The following RIMS1 variants were observed in gnomAD, a reference collection of about 807,000 sequenced individuals.
RIMS1 encodes regulating synaptic membrane exocytosis 1.
In RIMS1, 83 loss-of-function variants were observed where a neutral mutation model predicts 214.1. The ratio of observed to expected loss-of-function variants is 0.39; its 90% CI spans 0.32 to 0.47. RIMS1 has a LOEUF of 0.47. Among genes scored for constraint, RIMS1 ranks in the 20% least tolerant of loss-of-function variants. The pLI is 0.99. For missense variants in RIMS1, 2,050 were observed against 2,161.8 expected (o/e 0.95, Z 1.03); for synonymous variants, 793 against 786.8 (o/e 1.01, Z -0.13).
intron 26 of RIMS1, among the ~76,000 whole-genome samples, chr6:72,302,207 A>G (rs1251039968): frequency 2.6e-5 from 4 of 151,434 alleles, no homozygotes. Context: ...AGTAATTCCC[A>G]TTCCTAGGTT....
At chr6:72,282,227 C>A (rs943629339) in intron 23 of RIMS1, among the ~76,000 whole-genome samples, 1 of 152,070 alleles carries the variant, frequency 6.6e-6, no homozygotes, top group Non-Finnish European at 1.5e-5. Context: ...AGCTCCAATA[C>A]CTCCTGAGCC....
At chr6:72,145,258 A>T (rs1158715648) in intron 4 of RIMS1, among the ~76,000 whole-genome samples, 1 of 152,152 alleles carries the variant, frequency 6.6e-6, no homozygotes, top group African/African-American at 2.4e-5. Flanking sequence ...ATACCTATGA[A>T]TTGGGTAAAT....
At chr6:72,373,181 A>G (rs1425968374) in intron 29 of RIMS1, among the ~76,000 whole-genome samples, 1 of 152,144 alleles carries the variant, frequency 6.6e-6, no homozygotes, top group African/African-American at 2.4e-5. Flanking sequence ...GATCTGTTCT[A>G]TTCTAAAATG....
chr6:72,018,358 G>A (rs1813433483), intron 2 of RIMS1, among the ~76,000 whole-genome samples: 1 of 152,112 alleles, frequency 6.6e-6, no homozygotes, highest in South Asian at 2.1e-4. Context: ...CATTTACTGA[G>A]ATGGGGACGA....
intron 4 of RIMS1, among the ~76,000 whole-genome samples, chr6:72,127,548 C>T (rs1033122420): frequency 2.6e-5 from 4 of 152,062 alleles, no homozygotes; most frequent in Admixed American, 2.0e-4. Flanking sequence ...CAGAGACATG[C>T]CTTATATAGA....
At chr6:72,172,289 G>T (rs1043896829) in intron 4 of RIMS1, among the ~76,000 whole-genome samples, 7 of 152,120 alleles carry the variant, frequency 4.6e-5, no homozygotes, top group Admixed American at 4.6e-4. Flanking sequence ...TATGTTAAAA[G>T]ATAAATGTAT....
At chr6:71,962,441 C>A (rs145674280) in intron 1 of RIMS1, among the ~76,000 whole-genome samples, 1 of 152,066 alleles carries the variant, frequency 6.6e-6, no homozygotes, top group African/African-American at 2.4e-5. Flanking sequence ...TCTTCCATGC[C>A]TTTTGAAAGT....
At chr6:72,369,854 A>G (rs569630622) in intron 29 of RIMS1, among the ~76,000 whole-genome samples, 2 of 152,302 alleles carry the variant, frequency 1.3e-5, no homozygotes, top group Non-Finnish European at 2.9e-5. Context: ...GGAAATTATG[A>G]TTTGCAACTC....
In RIMS1 at chr6:72,012,766, G is replaced by A. The variant is rs538862788; in HGVS notation, c.245+43703G>A. Among the ~76,000 whole-genome samples the A allele has an allele frequency of 8.0e-4, 122 of 152,288 alleles. 1 individual carries two copies. Among genetic ancestry groups the A allele is most frequent in the African/African-American group, 2.7e-3 (114 of 41,578 alleles). ...ATTTGGAATGTGATGTGAAGCCTTT[G>A]AGACCTTTAAGCTAGAGAATCACAT... On this transcript the variant is annotated intron_variant, in intron 2 of 33. Transcript: ENST00000521978.
chr6:71,958,608 A>G (rs1204887074), intron 1 of RIMS1, among the ~76,000 whole-genome samples: 2 of 152,184 alleles, frequency 1.3e-5, no homozygotes, highest in African/African-American at 4.8e-5. Context: ...ACTGTGATGT[A>G]GATTTACCTG....
At chr6:72,378,946 A>G (rs138703735) in intron 29 of RIMS1, among the ~76,000 whole-genome samples, 46 of 152,212 alleles carry the variant, frequency 3.0e-4, no homozygotes, top group African/African-American at 1.0e-3. Flanking sequence ...TTCCCCTCTA[A>G]CCCAATATTC....
At chr6:72,052,081 A>G (rs139964254) in intron 2 of RIMS1, among the ~76,000 whole-genome samples, 175 of 152,346 alleles carry the variant, frequency 1.1e-3, no homozygotes, top group Non-Finnish European at 1.5e-3. Context: ...TTGTAAAGAT[A>G]GTGGTGTACA....
chr6:72,001,573 T>G (rs1805274589), intron 2 of RIMS1, among the ~76,000 whole-genome samples: 1 of 152,144 alleles, frequency 6.6e-6, no homozygotes, highest in South Asian at 2.1e-4. Flanking sequence ...TGTGATCGTA[T>G]TATATAAACA....
At chr6:72,351,182 C>T (rs1295124756) in intron 29 of RIMS1, among the ~76,000 whole-genome samples, 1 of 151,514 alleles carries the variant, frequency 6.6e-6, no homozygotes, top group Non-Finnish European at 1.5e-5. Flanking sequence ...TCCTACTCAC[C>T]TCCCCAAGAT....
rs1640570097 is a variant in RIMS1, at chr6:72,067,510, TTTATCTAA to T, written c.246-29438_246-29431del. ...GGCTGGTCAGGACTTTTTAGGATAA[TTTATCTAA>T]AACTGCCCTCCCACATGCCTAGTTA... On this transcript the variant is annotated intron_variant, in intron 2 of 33. Transcript: ENST00000521978. Among the ~76,000 whole-genome samples the T allele has an allele frequency of 6.6e-5, 10 of 152,326 alleles. No individual in the cohort carries two copies. In the South Asian group the frequency reaches 2.1e-3, roughly 32 times the overall value.
rs2076642459 is a variant in RIMS1, at chr6:72,258,169, A to T, written c.2815A>T (p.Thr939Ser). The T allele has an allele frequency of 3.1e-6, 5 of 1,613,116 alleles. No homozygotes were observed. Among genetic ancestry groups the T allele is most frequent in the Non-Finnish European group, 4.2e-6 (5 of 1,179,498 alleles). The change falls in exon 17 of 34, where the codon ACT becomes TCT. Residue 939 changes from threonine to serine, a missense_variant. This residue lies in a region of RIMS1 where 889 missense variants were observed against 885.5 expected (regional missense o/e 1.00). Transcript: ENST00000521978. The part of the protein sequence containing the change: ...SARESKSTTL[T>S]VPEQQRTTHH... Reference sequence around the variant, plus strand: ...TAGAGAAAGTAAATCTACAACATTAACTGTGCCAGAACAGCAAAGAACAAC... The same window carrying T: ...TAGAGAAAGTAAATCTACAACATTATCTGTGCCAGAACAGCAAAGAACAAC...
chr6:71,995,451 C>CGT (rs59174738), intron 2 of RIMS1, among the ~76,000 whole-genome samples: 17,053 of 144,258 alleles, frequency 0.12, 969 homozygotes, highest in Middle Eastern at 0.14. Flanking sequence ...TGTAATATGA[C>CGT]GTGTGTGTGT....
At chr6:72,230,336 A>G (rs756772579) in intron 6 of RIMS1, among the ~76,000 whole-genome samples, 4 of 151,684 alleles carry the variant, frequency 2.6e-5, no homozygotes, top group Non-Finnish European at 4.4e-5. Context: ...AAGAAGTTCA[A>G]ATTTTCTAAT....
At chr6:72,192,167 G>C (rs923032019) in intron 6 of RIMS1, among the ~76,000 whole-genome samples, 19 of 152,200 alleles carry the variant, frequency 1.2e-4, no homozygotes, top group Admixed American at 8.5e-4. Context: ...TTGGATCTGA[G>C]TTAAAACTCC....
Sources: gnomAD v4.1 joint callset for allele counts (sites outside exome capture counted in the v4.1 genomes callset) on GRCh38, gnomAD v4.1.1 for gene constraint, gnomAD v4.1.1 regional missense constraint, MANE v1.5 for transcripts, NCBI Gene and HGNC (gene_info 2026-07-23, HGNC 2026-07-21) for gene names.